The following ZP3 variants were observed in gnomAD, a reference collection of about 807,000 sequenced individuals.
ZP3 encodes the protein zona pellucida sperm-binding protein 3.
Under a neutral mutation model 35.6 loss-of-function variants are expected in ZP3, and 21 were observed. The ratio of observed to expected loss-of-function variants is 0.59; its 90% confidence interval spans 0.42 to 0.85. The LOEUF (loss-of-function observed/expected upper bound fraction) is 0.85. Among genes scored for constraint, ZP3 ranks in the 40% least tolerant of loss-of-function variants. The pLI, the probability that ZP3 is intolerant of heterozygous loss-of-function variation, is 0.00. For synonymous variants in ZP3, 207 were observed against 214.5 expected (o/e 0.96, Z 0.31); for missense variants, 437 against 536.5 (o/e 0.81, Z 1.83).
chr7:76,431,700 C>A (rs920163568), intron 2 of ZP3, among the ~76,000 whole-genome samples: 1 of 152,090 alleles, frequency 6.6e-6, no homozygotes, highest in Non-Finnish European at 1.5e-5. Context: ...GAGATGGAGA[C>A]CATCCTGGCT....
intron 1 of ZP3, chr7:76,398,572 TGGGATTACA>T (rs1804714990): frequency 2.9e-5 from 25 of 868,666 alleles, no homozygotes; most frequent in Non-Finnish European, 4.4e-5. Flanking sequence ...CCCAAAGTGC[TGGGATTACA>T]GGTGTGAGCC....
chr7:76,422,504 C>T (rs1033906456), upstream of ZP3, among the ~76,000 whole-genome samples: 1 of 151,282 alleles, frequency 6.6e-6, no homozygotes, highest in Non-Finnish European at 1.5e-5. Flanking sequence ...CATGGTGGAA[C>T]CCTGTCTTTA....
At position 76,433,028 on chromosome 7, in the gene ZP3, A is replaced by G; in HGVS notation, c.533A>G (p.Glu178Gly). The G allele has an allele frequency of 1.1e-5, 17 of 1,612,964 alleles. No homozygotes were observed. The highest frequency in any genetic ancestry group is 1.4e-5 in the Non-Finnish European group (17 of 1,179,482). ...EKLTFSLRLM[E>G]ENWNAEKRSP... ...CTGACTTTCTCTCTGCGTCTGATGGAGGGTAAGAGAAGAAGGCTGGGTGGG... is the reference window on the plus strand; with the variant it reads ...CTGACTTTCTCTCTGCGTCTGATGGGGGGTAAGAGAAGAAGGCTGGGTGGG... The change falls in exon 3 of 8, where the codon GAG becomes GGG. Residue 178 changes from glutamate to glycine, a missense_variant and splice_region_variant. Glu to Gly is a moderately conservative substitution (Grantham distance 98). This residue lies in a region of ZP3 where 352 missense variants were observed against 308.4 expected (regional missense o/e 1.14). Transcript: ENST00000394857.
intron 5 of ZP3, among the ~76,000 whole-genome samples, chr7:76,437,599 A>T (rs1636613): frequency 6.8e-6 from 1 of 147,926 alleles, no homozygotes; most frequent in Non-Finnish European, 1.5e-5. Context: ...CAATTCTTCC[A>T]TTCCAGCCTC....
intron 1 of ZP3, among the ~76,000 whole-genome samples, chr7:76,414,481 G>A (rs1407237794): frequency 6.6e-6 from 1 of 151,992 alleles, no homozygotes; most frequent in Non-Finnish European, 1.5e-5. Flanking sequence ...CATGACTGGA[G>A]AGTGGGAAAA....
chr7:76,406,081 G>A (rs1346708855), intron 1 of ZP3, among the ~76,000 whole-genome samples: 1 of 152,086 alleles, frequency 6.6e-6, no homozygotes, highest in Non-Finnish European at 1.5e-5. Context: ...TGCCTCCCGG[G>A]TTCAAGCGAT....
chr7:76,413,432 T>G (rs972761827), intron 1 of ZP3, among the ~76,000 whole-genome samples: 2 of 151,206 alleles, frequency 1.3e-5, no homozygotes. Flanking sequence ...CTTGCTAATT[T>G]CTGTATTTTT....
rs766333944 is a variant in ZP3, at chr7:76,429,650, C to T, written c.431+17C>T. ...CTACCCCAGGTCGGTGTGGGACTGACTCATGGCCCCTGGTGCAAAAGCCCC... is the reference window on the plus strand; with the variant it reads ...CTACCCCAGGTCGGTGTGGGACTGATTCATGGCCCCTGGTGCAAAAGCCCC... On this transcript the variant is annotated intron_variant, in intron 2 of 7. Coordinates refer to ENST00000394857, the MANE Select transcript of ZP3 (RefSeq NM_001110354.2). 2.7e-5 allele frequency: 44 copies of T among 1,603,168 alleles called. No homozygotes were observed. The highest frequency in any genetic ancestry group is 3.3e-5 in the Non-Finnish European group (39 of 1,170,878).
At chr7:76,415,269 G>A (rs1289255030) in intron 1 of ZP3, among the ~76,000 whole-genome samples, 1 of 148,156 alleles carries the variant, frequency 6.7e-6, no homozygotes, top group Non-Finnish European at 1.5e-5. Context: ...GGGAAGCTGA[G>A]GCAGGAGAAT....
At chr7:76,440,417 A>G (rs1358270934) in intron 6 of ZP3, 58 bp from the exon 7 acceptor site, 1 of 1,607,912 alleles carries the variant, frequency 6.2e-7, no homozygotes, top group Non-Finnish European at 8.5e-7. Flanking sequence ...CCAATATATT[A>G]TCAGCAAACT....
At chr7:76,430,208 G>A (rs1384982087) in intron 2 of ZP3, among the ~76,000 whole-genome samples, 4 of 152,030 alleles carry the variant, frequency 2.6e-5, no homozygotes, top group South Asian at 2.1e-4. Flanking sequence ...ATACTCCATC[G>A]CAAAAAATAA....
chr7:76,400,991 C>G (rs199648945), intron 1 of ZP3: 11 of 1,550,424 alleles, frequency 7.1e-6, no homozygotes, highest in Non-Finnish European at 9.6e-6. Flanking sequence ...TGAGGAAGGG[C>G]GGGGTGGGGC....
chr7:76,437,335 C>A (rs1200975289), intron 5 of ZP3, among the ~76,000 whole-genome samples: 1 of 152,218 alleles, frequency 6.6e-6, no homozygotes, highest in Admixed American at 6.6e-5. Context: ...ATCACCACGC[C>A]TGGCTAATTT....
At chr7:76,426,865 T>C (rs918135183) in intron 1 of ZP3, among the ~76,000 whole-genome samples, 5 of 53,522 alleles carry the variant, frequency 9.3e-5, no homozygotes, top group African/African-American at 4.7e-4. Flanking sequence ...CCCCCTTCTC[T>C]ACCAAACACC....
In ZP3 at chr7:76,430,306, G is replaced by T. The variant is rs1805790533; in HGVS notation, c.431+673G>T. Reference sequence around the variant, plus strand: ...GTGGTCCTCAAGCCCCTGGCATCAAGCACGTGCCTGTGAACTCAGGCCCTG... The same window carrying T: ...GTGGTCCTCAAGCCCCTGGCATCAATCACGTGCCTGTGAACTCAGGCCCTG... On this transcript the variant is annotated intron_variant, in intron 2 of 7. Coordinates refer to ENST00000394857, the MANE Select transcript of ZP3 (RefSeq NM_001110354.2). Among the ~76,000 whole-genome samples the T allele has an allele frequency of 5.9e-5, 9 of 152,354 alleles. No individual in the cohort carries two copies. In the South Asian group the frequency reaches 1.9e-3, roughly 32 times the overall value.
intron 1 of ZP3, among the ~76,000 whole-genome samples, chr7:76,401,651 A>T (rs1443026573): frequency 6.6e-6 from 1 of 152,188 alleles, no homozygotes; most frequent in Non-Finnish European, 1.5e-5. Context: ...TCCTGACCTC[A>T]GGTAATCCAC....
chr7:76,441,801 G>A (rs1806208000), intron 7 of ZP3, 41 bp from the exon 8 acceptor site: 2 of 1,613,826 alleles, frequency 1.2e-6, no homozygotes, highest in South Asian at 1.1e-5. Flanking sequence ...TTCCCGGTTA[G>A]GGACTAAGAT....
intron 1 of ZP3, among the ~76,000 whole-genome samples, chr7:76,402,136 C>T (rs918472704): frequency 1.3e-5 from 2 of 151,780 alleles, no homozygotes; most frequent in Admixed American, 1.3e-4. Flanking sequence ...CCTCCCGCCT[C>T]AGCCTCCAGA....
chr7:76,427,515 C>CAA (rs71085411), intron 1 of ZP3, among the ~76,000 whole-genome samples: 1,638 of 104,698 alleles, frequency 0.016, 41 homozygotes, highest in South Asian at 0.051. Context: ...GACTCCGTCT[C>CAA]AAAAAAAAAA....
Sources: allele counts gnomAD v4.1 joint callset (sites outside exome capture counted in the v4.1 genomes callset), GRCh38; gene constraint gnomAD v4.1.1; regional missense constraint gnomAD v4.1.1; transcripts MANE v1.5; gene names NCBI Gene and HGNC (gene_info 2026-07-23, HGNC 2026-07-21).